PAMR1: variants seen among roughly 807,000 people sequenced by gnomAD.
PAMR1 encodes the protein peptidase domain containing associated with muscle regeneration 1.
In PAMR1, 88 loss-of-function variants were observed where a neutral mutation model predicts 81.8. That is an observed-to-expected ratio of 1.08 (90% CI 0.91 to 1.28). The LOEUF (loss-of-function observed/expected upper bound fraction) is 1.28, where lower values mean the gene tolerates loss of function less well. Among genes scored for constraint, PAMR1 ranks in the 50% most tolerant of loss-of-function variants. PAMR1 has a pLI of 0.00. For synonymous variants in PAMR1, 336 were observed against 345.3 expected, an observed-to-expected ratio of 0.97 and a Z score of 0.30; for missense variants, 935 against 919.7, an observed-to-expected ratio of 1.02 and a Z score of -0.21.
chr11:35,442,167 A>G (rs1342237156), intron 6 of PAMR1, among the ~76,000 whole-genome samples: 1 of 152,262 alleles, frequency 6.6e-6, no homozygotes, highest in African/African-American at 2.4e-5. Context: ...GAGTACATAC[A>G]TAAAGTGAAT....
intron 10 of PAMR1, among the ~76,000 whole-genome samples, chr11:35,433,260 C>T (rs1382765961): frequency 2.0e-5 from 3 of 152,198 alleles, no homozygotes; most frequent in Admixed American, 6.5e-5. Flanking sequence ...TGATGTTAAA[C>T]AAACAATGCT....
At chr11:35,447,031 T>C (rs777524818) in intron 6 of PAMR1, among the ~76,000 whole-genome samples, 30 of 152,198 alleles carry the variant, frequency 2.0e-4, no homozygotes, top group African/African-American at 4.3e-4. Context: ...TGGGTGCATA[T>C]ATGTTTAGGA....
chr11:35,445,101 A>G (rs1197791984), intron 6 of PAMR1, among the ~76,000 whole-genome samples: 1 of 152,128 alleles, frequency 6.6e-6, no homozygotes, highest in Non-Finnish European at 1.5e-5. Flanking sequence ...TCTTTGTGGC[A>G]ATTGTGAATG....
At position 35,450,129 on chromosome 11, in the gene PAMR1, CAAAAAAAAA is replaced by C. The variant is rs60887441; in HGVS notation, c.821-8445_821-8437del. ...AGAAACTTACTTGGCTGCCTCCAGG[CAAAAAAAAA>C]AAAAAAAAAAAAAAAAAAAAATCTC... On this transcript the variant is annotated intron_variant, in intron 6 of 10. Transcript: ENST00000619888. 4.3e-3 allele frequency among the ~76,000 whole-genome samples: 186 copies of C among 43,052 alleles called. 1 individual carries two copies. The highest frequency in any genetic ancestry group is 5.7e-3 in the Admixed American group (13 of 2,278). 28.2% of individuals were successfully genotyped at this position (43,052 alleles called of 152,430 possible).
chr11:35,525,479 C>T, intron 1 of PAMR1, 34 bp downstream of exon 1: 1 of 1,587,876 alleles, frequency 6.3e-7, no homozygotes, highest in Non-Finnish European at 8.6e-7. Context: ...CCTAGGGTGT[C>T]CTCCTAGGGT....
chr11:35,510,390 G>A (rs1851050122), intron 1 of PAMR1, among the ~76,000 whole-genome samples: 1 of 152,072 alleles, frequency 6.6e-6, no homozygotes, highest in Non-Finnish European at 1.5e-5. Flanking sequence ...CCCACCATTA[G>A]AGTATCCTAC....
At chr11:35,521,109 AC>A (rs1392431869) in intron 1 of PAMR1, among the ~76,000 whole-genome samples, 3 of 152,212 alleles carry the variant, frequency 2.0e-5, no homozygotes, top group Non-Finnish European at 4.4e-5. Flanking sequence ...CAGATATAAC[AC>A]CCAGCCCTGT....
intron 7 of PAMR1, 94 bp downstream of exon 7, chr11:35,441,387 A>AT: frequency 2.3e-6 from 2 of 867,348 alleles, no homozygotes; most frequent in Non-Finnish European, 3.7e-6. Context: ...AGAGAAAGGC[A>AT]TTTTTCCAGG....
intron 3 of PAMR1, among the ~76,000 whole-genome samples, chr11:35,481,826 A>G (rs1345138870): frequency 6.6e-6 from 1 of 152,074 alleles, no homozygotes; most frequent in Non-Finnish European, 1.5e-5. Flanking sequence ...CTGGCCATAA[A>G]TGTCTTCTTT....
At chr11:35,480,128 A>G (rs529891173) in intron 3 of PAMR1, among the ~76,000 whole-genome samples, 1 of 152,316 alleles carries the variant, frequency 6.6e-6, no homozygotes, top group East Asian at 1.9e-4. Context: ...GCCTCCGCCA[A>G]GTCAGTGCTC....
intron 1 of PAMR1, among the ~76,000 whole-genome samples, chr11:35,512,100 C>G (rs1018691525): frequency 6.6e-6 from 1 of 152,296 alleles, no homozygotes; most frequent in South Asian, 2.1e-4. Flanking sequence ...CTTTGGGTAC[C>G]AGGAGTGATA....
chr11:35,506,441 T>G (rs966342485), intron 1 of PAMR1, among the ~76,000 whole-genome samples: 5 of 151,760 alleles, frequency 3.3e-5, no homozygotes, highest in African/African-American at 1.2e-4. Context: ...GGTGTTTTTT[T>G]TTTTCAGATT....
intron 6 of PAMR1, among the ~76,000 whole-genome samples, chr11:35,447,870 TG>T (rs2135349964): frequency 6.6e-6 from 1 of 152,352 alleles, no homozygotes; most frequent in Non-Finnish European, 1.5e-5. Context: ...TTTGCTTGTC[TG>T]AAAGGGATTT....
Position 35,439,658 on chromosome 11 carries a change from T to G in PAMR1, c.1069A>C (p.Arg357=). The part of the protein sequence containing the change: ...REPKISDLVR[R]RVLPMQVQSR... ...TGAACCTGCATCGGAAGAACTCTCC[T>G]TCTCACCAGGTCTGAAATCTTTGGT... Residue 357 remains arginine, a synonymous_variant, in exon 8 of 11, where the codon AGG becomes CGG. Coordinates refer to ENST00000619888, the MANE Select transcript of PAMR1 (RefSeq NM_001001991.3). The G allele has an allele frequency of 1.2e-6, 2 of 1,613,986 alleles. No individual in the cohort carries two copies. Among genetic ancestry groups the G allele is most frequent in the Non-Finnish European group, 1.7e-6 (2 of 1,179,914 alleles).
chr11:35,440,203 T>C (rs1041616564), intron 7 of PAMR1, among the ~76,000 whole-genome samples: 2 of 152,206 alleles, frequency 1.3e-5, no homozygotes, highest in Admixed American at 1.3e-4. Context: ...CAGTTTAATT[T>C]TGTTGAAGTC....
intron 5 of PAMR1, among the ~76,000 whole-genome samples, chr11:35,469,777 C>T (rs553399788): frequency 6.7e-4 from 101 of 151,788 alleles, no homozygotes; most frequent in Non-Finnish European, 1.2e-3. Flanking sequence ...GATCAGAATA[C>T]CATTACGAGT....
intron 6 of PAMR1, among the ~76,000 whole-genome samples, chr11:35,445,681 C>G (rs1165621376): frequency 1.3e-5 from 2 of 152,182 alleles, no homozygotes; most frequent in Non-Finnish European, 1.5e-5. Flanking sequence ...GAGGATAAAG[C>G]CAACTTGATC....
chr11:35,479,924 TAGTA>T (rs1850353411), intron 3 of PAMR1, among the ~76,000 whole-genome samples: 1 of 152,232 alleles, frequency 6.6e-6, no homozygotes, highest in African/African-American at 2.4e-5. Context: ...GCCTGGTTCA[TAGTA>T]AGTACTACGT....
rs769883360 is a variant in PAMR1 at position 35,435,960 on chromosome 11, T to C, written c.1276A>G (p.Arg426Gly). 2 of 1,614,090 alleles carry C rather than the reference T, an allele frequency of 1.2e-6. No homozygotes were observed. The highest frequency in any genetic ancestry group is 2.7e-5 in the African/African-American group (2 of 74,942). The stretch of plus-strand genomic sequence containing the variant: ...TTCCCAGTCCTCAGACATGTCCTCC[T>C]GCTGCTGCCCAGGCGGCGGTAGAAG... Reference protein sequence around the residue: ...SPFYRRLGSSRRTCLRTGKWS... With the variant: ...SPFYRRLGSSGRTCLRTGKWS... The change falls in exon 9 of 11, where the codon AGG becomes GGG. Residue 426 changes from arginine to glycine, a missense_variant. Physicochemically the swap from Arg to Gly is moderately radical, Grantham distance 125. Transcript: ENST00000619888.
Sources: allele counts gnomAD v4.1 joint callset (sites outside exome capture counted in the v4.1 genomes callset), GRCh38; gene constraint gnomAD v4.1.1; transcripts MANE v1.5; gene names NCBI Gene and HGNC (gene_info 2026-07-23, HGNC 2026-07-21).